The following RARS2 variants were observed in gnomAD, a reference collection of about 807,000 sequenced individuals.
The protein encoded by RARS2 is probable arginine--tRNA ligase, mitochondrial.
RARS2 carries 67 observed loss-of-function variants against 88.5 expected under a neutral mutation model. That is an observed-to-expected ratio of 0.76 (90% CI 0.62 to 0.93). The LOEUF is 0.93. Ranked by LOEUF, RARS2 falls within the 40% of genes least tolerant of loss-of-function variation. The probability of loss-of-function intolerance (pLI) is 0.00; values close to 1 mark genes in which losing one functional copy is unlikely to be tolerated. For missense variants in RARS2, 664 were observed against 684.2 expected, an observed-to-expected ratio of 0.97 and a Z score of 0.33; for synonymous variants, 239 against 230.3, an observed-to-expected ratio of 1.04 and a Z score of -0.34.
At position 87,529,660 on chromosome 6, in the gene RARS2, C is replaced by A; in HGVS notation, c.772-12G>T. 1 of 1,560,194 alleles carries A rather than the reference C, an allele frequency of 6.4e-7. No homozygotes were observed. The highest frequency in any genetic ancestry group is 1.1e-5 in the South Asian group (1 of 89,848). ...TATACTCCCAGACGCTAAAAGAGTTCAGAAACAAAAAGACAAAGAAATGTT... is the reference window on the plus strand; with the variant it reads ...TATACTCCCAGACGCTAAAAGAGTTAAGAAACAAAAAGACAAAGAAATGTT... On this transcript the variant is annotated splice_polypyrimidine_tract_variant and intron_variant, in intron 9 of 19. Coordinates refer to ENST00000369536, the MANE Select transcript of RARS2 (RefSeq NM_020320.5).
chr6:87,518,475 ATT>A, intron 16 of RARS2, 153 bp downstream of exon 16: 49 of 1,078,562 alleles, frequency 4.5e-5, no homozygotes, highest in South Asian at 9.0e-5. Flanking sequence ...TGCTCAATAA[ATT>A]TTTTTTTTTT....
intron 1 of RARS2, among the ~76,000 whole-genome samples, chr6:87,589,257 T>G (rs1776206258): frequency 6.6e-6 from 1 of 152,198 alleles, no homozygotes; most frequent in Non-Finnish European, 1.5e-5. Flanking sequence ...AGGCCTGTAA[T>G]CCCGGCTCTT....
chr6:87,562,016 G>A (rs1787988707), intron 4 of RARS2, among the ~76,000 whole-genome samples: 1 of 152,226 alleles, frequency 6.6e-6, no homozygotes, highest in South Asian at 2.1e-4. Flanking sequence ...CAAGGTTGGA[G>A]TGCAATAGCA....
intron 1 of RARS2, among the ~76,000 whole-genome samples, chr6:87,573,526 T>C (rs139914080): frequency 0.014 from 2,083 of 152,310 alleles, 22 homozygotes; most frequent in Non-Finnish European, 0.022. Flanking sequence ...TGTGGAGTTA[T>C]TGTTTAATGG....
At chr6:87,547,255 CT>C (rs1156861673) in intron 6 of RARS2, among the ~76,000 whole-genome samples, 3 of 152,182 alleles carry the variant, frequency 2.0e-5, no homozygotes, top group African/African-American at 7.2e-5. Context: ...ACTCATATAG[CT>C]TTTTTTATAC....
At chr6:87,589,886 C>A in intron 1 of RARS2, 36 bp downstream of exon 1, 1 of 1,614,206 alleles carries the variant, frequency 6.2e-7, no homozygotes, top group Non-Finnish European at 8.5e-7. Context: ...GTCCCTAGCT[C>A]CTCAGGGACT....
chr6:87,539,015 C>G (rs913712470), intron 8 of RARS2, among the ~76,000 whole-genome samples: 1 of 151,496 alleles, frequency 6.6e-6, no homozygotes, highest in Non-Finnish European at 1.5e-5. Context: ...GGCTGGGCAA[C>G]AGAGTAAGAT....
chr6:87,569,535 A>C lies in RARS2; in HGVS notation c.92T>G (p.Val31Gly). 1 of 1,601,272 alleles carries C rather than the reference A, an allele frequency of 6.2e-7. No individual in the cohort carries two copies. Among genetic ancestry groups the C allele is most frequent in the Non-Finnish European group, 8.6e-7 (1 of 1,168,610 alleles). Residue 31 changes from valine (V) to glycine (G), a missense_variant, in exon 2 of 20, where the codon GTT becomes GGT. Coordinates refer to ENST00000369536, the MANE Select transcript of RARS2 (RefSeq NM_020320.5). ...ACTTAACTCTTTTTGGGAAATTGGAACTGCAGATATTGATGTGATCAAGTT... is the reference window on the plus strand; with the variant it reads ...ACTTAACTCTTTTTGGGAAATTGGACCTGCAGATATTGATGTGATCAAGTT... ...PENLITSISAVPISQKEEVAD... is the reference protein window; with the variant it reads ...PENLITSISAGPISQKEEVAD...
intron 16 of RARS2, 121 bp from the exon 17 acceptor site, chr6:87,518,385 C>T: frequency 2.6e-6 from 4 of 1,552,734 alleles, no homozygotes; most frequent in Non-Finnish European, 3.5e-6. Flanking sequence ...TATCCATACA[C>T]AGTGGAGGTA....
chr6:87,518,501 CTACTCTAGTCAG>C, intron 16 of RARS2, 117 bp downstream of exon 16: 1 of 1,257,590 alleles, frequency 8.0e-7, no homozygotes, highest in Non-Finnish European at 1.1e-6. Flanking sequence ...AAAAGAAGGT[CTACTCTAGTCAG>C]ATGTGAATAG....
chr6:87,514,555 T>C, intron 19 of RARS2, 56 bp from the exon 20 acceptor site: 1 of 1,391,122 alleles, frequency 7.2e-7, no homozygotes, highest in Non-Finnish European at 1.0e-6. Context: ...ATGTATTCAA[T>C]ACATGAGAAT....
At chr6:87,538,370 T>C (rs749703805) in intron 8 of RARS2, among the ~76,000 whole-genome samples, 4 of 152,212 alleles carry the variant, frequency 2.6e-5, no homozygotes, top group Non-Finnish European at 5.9e-5. Context: ...AAGTACCTTA[T>C]TGCCCTTATT....
chr6:87,530,388 T>TA (rs1415668997), intron 9 of RARS2, among the ~76,000 whole-genome samples: 1 of 152,214 alleles, frequency 6.6e-6, no homozygotes, highest in Non-Finnish European at 1.5e-5. Context: ...GTGCTGTCTC[T>TA]AGGCTAGAAT....
chr6:87,539,434 T>C (rs1388657961), intron 8 of RARS2, among the ~76,000 whole-genome samples: 25 of 152,230 alleles, frequency 1.6e-4, no homozygotes, highest in Non-Finnish European at 2.9e-5. Context: ...GCTCCTACAA[T>C]TTAGCCTAAA....
rs1433177148 is a variant in RARS2 at position 87,535,522 on chromosome 6, CCTCA to C, written c.613-4584_613-4581del. ...TAAATTATCTAGTGATACACTAACC[CCTCA>C]CTATTTTTCTTTTATTAAATGCCCA... On this transcript the variant is annotated intron_variant, in intron 8 of 19. Coordinates refer to ENST00000369536, the MANE Select transcript of RARS2 (RefSeq NM_020320.5). 3.3e-5 allele frequency among the ~76,000 whole-genome samples: 5 copies of C among 151,976 alleles called. 1 individual carries two copies. Among genetic ancestry groups the C allele is most frequent in the African/African-American group, 1.2e-4 (5 of 41,360 alleles).
chr6:87,587,395 A>G (rs1775488310), intron 1 of RARS2, among the ~76,000 whole-genome samples: 3 of 152,076 alleles, frequency 2.0e-5, no homozygotes, highest in African/African-American at 7.2e-5. Flanking sequence ...TGAAAATATT[A>G]TTATTTATCC....
At chr6:87,524,056 T>C (rs928839232) in intron 11 of RARS2, among the ~76,000 whole-genome samples, 6 of 152,228 alleles carry the variant, frequency 3.9e-5, no homozygotes, top group African/African-American at 1.4e-4. Flanking sequence ...GTATCATGAC[T>C]TTGTGTTACA....
Position 87,518,610 on chromosome 6 carries a change from T to C in RARS2, c.1415+20A>G. Reference sequence around the variant, plus strand: ...AGTAAGCACAGTGCAGCACAAGGTTTCCCTGCAGCCTCTTCTCACCTGTGG... The same window carrying C: ...AGTAAGCACAGTGCAGCACAAGGTTCCCCTGCAGCCTCTTCTCACCTGTGG... On this transcript the variant is annotated intron_variant, in intron 16 of 19. Coordinates refer to ENST00000369536, the MANE Select transcript of RARS2 (RefSeq NM_020320.5). The C allele has an allele frequency of 6.3e-7, 1 of 1,592,634 alleles. No individual in the cohort carries two copies. Among genetic ancestry groups the C allele is most frequent in the East Asian group, 2.2e-5 (1 of 44,764 alleles).
At position 87,524,602 on chromosome 6, in the gene RARS2, A is replaced by AT. The variant is rs1360282089; in HGVS notation, c.928dup (p.Ile310AsnfsTer8). ...CCCATCACTTCGCATTACAGTACAA[A>AT]TTGAGGAGGGGTCGCCATTCCCAGA... On this transcript the variant is annotated frameshift_variant, in exon 11 of 20. Coordinates refer to ENST00000369536, the MANE Select transcript of RARS2 (RefSeq NM_020320.5). LOFTEE classifies it high-confidence loss of function. 1.2e-6 allele frequency: 2 copies of AT among 1,613,644 alleles called. No individual in the cohort carries two copies. The highest frequency in any genetic ancestry group is 1.7e-5 in the Admixed American group (1 of 60,008).
Sources: gnomAD v4.1 joint callset for allele counts (sites outside exome capture counted in the v4.1 genomes callset) on GRCh38, gnomAD v4.1.1 for gene constraint, MANE v1.5 for transcripts, NCBI Gene and HGNC (gene_info 2026-07-23, HGNC 2026-07-21) for gene names.